ROBO2: variants seen among roughly 807,000 people sequenced by gnomAD.
ROBO2 encodes the protein roundabout guidance receptor 2.
ROBO2 carries 53 observed loss-of-function variants against 160.8 expected under a neutral mutation model. That is an observed-to-expected ratio of 0.33 (90% CI 0.26 to 0.41). The LOEUF is 0.41. Among genes scored for constraint, ROBO2 ranks in the 10% least tolerant of loss-of-function variants. The probability of loss-of-function intolerance (pLI) is 1.00; values close to 1 mark genes in which losing one functional copy is unlikely to be tolerated. For synonymous variants in ROBO2, 664 were observed against 611.7 expected (o/e 1.09, Z -1.26); for missense variants, 1,577 against 1,722.4 (o/e 0.92, Z 1.49).
intron 2 of ROBO2, among the ~76,000 whole-genome samples, chr3:76,912,121 C>T (rs756631377): frequency 2.6e-5 from 4 of 152,120 alleles, no homozygotes; most frequent in Non-Finnish European, 5.9e-5. Flanking sequence ...TTTTCTTATG[C>T]TGATTCAGTC....
At chr3:77,014,304 C>G (rs1228905256) in intron 2 of ROBO2, among the ~76,000 whole-genome samples, 2 of 152,284 alleles carry the variant, frequency 1.3e-5, no homozygotes, top group South Asian at 2.1e-4. Flanking sequence ...TGACATTCCT[C>G]TCTCACAAGC....
intron 2 of ROBO2, among the ~76,000 whole-genome samples, chr3:76,949,042 C>A (rs570957191): frequency 6.7e-6 from 1 of 149,904 alleles, no homozygotes; most frequent in South Asian, 2.1e-4. Flanking sequence ...TGAGCCACCA[C>A]GCCTGGCCAT....
intron 2 of ROBO2, among the ~76,000 whole-genome samples, chr3:77,195,036 C>G (rs1270808830): frequency 6.6e-6 from 1 of 152,018 alleles, no homozygotes; most frequent in African/African-American, 2.4e-5. Flanking sequence ...TCAATATATT[C>G]CCTTTTATAA....
chr3:75,962,408 T>C (rs7631095), intron 2 of ROBO2, among the ~76,000 whole-genome samples: 70 of 151,832 alleles, frequency 4.6e-4, no homozygotes, highest in African/African-American at 1.6e-3. Flanking sequence ...TGACCAATAA[T>C]GTGTTCTAGG....
chr3:76,048,862 C>T (rs73841095), intron 2 of ROBO2, among the ~76,000 whole-genome samples: 3,126 of 152,060 alleles, frequency 0.021, 45 homozygotes, highest in East Asian at 0.08. Flanking sequence ...AATGAGGGAA[C>T]GGAATTGTAA....
chr3:77,322,720 T>C (rs1182943149), intron 2 of ROBO2, among the ~76,000 whole-genome samples: 1 of 144,100 alleles, frequency 6.9e-6, no homozygotes, highest in African/African-American at 2.6e-5. Context: ...AACAAGAACA[T>C]AGGTCTAATA....
chr3:76,676,755 A>G (rs1239883627), intron 2 of ROBO2, among the ~76,000 whole-genome samples: 2 of 152,132 alleles, frequency 1.3e-5, no homozygotes, highest in South Asian at 2.1e-4. Context: ...GAAGACTGCG[A>G]ACATGTTGCA....
intron 1 of ROBO2, among the ~76,000 whole-genome samples, chr3:75,907,696 G>A (rs1202567431): frequency 6.6e-6 from 1 of 152,150 alleles, no homozygotes; most frequent in Non-Finnish European, 1.5e-5. Flanking sequence ...GAAAAGTGAT[G>A]AGTTAACACT....
chr3:77,560,687 A>T (rs1430295530), intron 9 of ROBO2, among the ~76,000 whole-genome samples: 1 of 152,148 alleles, frequency 6.6e-6, no homozygotes, highest in Non-Finnish European at 1.5e-5. Flanking sequence ...TCTTTTGAGA[A>T]GTAGAATATT....
At chr3:76,450,314 A>G (rs1577279732) in intron 2 of ROBO2, among the ~76,000 whole-genome samples, 1 of 152,216 alleles carries the variant, frequency 6.6e-6, no homozygotes, top group East Asian at 1.9e-4. Context: ...TCTCACCTTT[A>G]ATAAAGTTTT....
chr3:76,196,929 C>T (rs966518625), intron 2 of ROBO2, among the ~76,000 whole-genome samples: 9 of 152,140 alleles, frequency 5.9e-5, no homozygotes, highest in African/African-American at 2.2e-4. Context: ...CCATGATATG[C>T]ATCTAAATTT....
chr3:76,231,179 T>C (rs1559666473), intron 2 of ROBO2, among the ~76,000 whole-genome samples: 2 of 152,180 alleles, frequency 1.3e-5, no homozygotes, highest in Non-Finnish European at 2.9e-5. Context: ...ACCCATGCCC[T>C]TCTGCTGAGA....
At chr3:77,249,128 G>T (rs2008170) in intron 2 of ROBO2, among the ~76,000 whole-genome samples, 1 of 151,774 alleles carries the variant, frequency 6.6e-6, no homozygotes, top group East Asian at 2.0e-4. Context: ...TGGGATTACA[G>T]GCGTGAGCCA....
chr3:76,303,417 T>G (rs1031515777), intron 2 of ROBO2, among the ~76,000 whole-genome samples: 7 of 152,082 alleles, frequency 4.6e-5, no homozygotes, highest in Non-Finnish European at 7.4e-5. Flanking sequence ...CGCATAAACT[T>G]TTCCTTCCAA....
chr3:76,520,276 C>T (rs1317433467), intron 2 of ROBO2, among the ~76,000 whole-genome samples: 2 of 152,064 alleles, frequency 1.3e-5, no homozygotes, highest in African/African-American at 4.8e-5. Context: ...CATGGTGAAA[C>T]CCCGTCTCTA....
chr3:75,933,450 A>G (rs1411990841), intron 1 of ROBO2, among the ~76,000 whole-genome samples: 1 of 152,156 alleles, frequency 6.6e-6, no homozygotes, highest in South Asian at 2.1e-4. Flanking sequence ...TTCACTGGAT[A>G]AGCATTTCAG....
chr3:76,060,882 T>C (rs2107884629), intron 2 of ROBO2, among the ~76,000 whole-genome samples: 1 of 152,286 alleles, frequency 6.6e-6, no homozygotes, highest in African/African-American at 2.4e-5. Context: ...CTCATGATCA[T>C]CCCTGTTCCC....
chr3:76,036,092 T>C (rs1220563541), intron 2 of ROBO2, among the ~76,000 whole-genome samples: 1 of 152,014 alleles, frequency 6.6e-6, no homozygotes, highest in East Asian at 1.9e-4. Flanking sequence ...CTTCTACACA[T>C]TTCTTTGGTG....
intron 2 of ROBO2, among the ~76,000 whole-genome samples, chr3:75,941,749 A>G (rs1948065090): frequency 6.6e-6 from 1 of 152,208 alleles, no homozygotes; most frequent in Non-Finnish European, 1.5e-5. Flanking sequence ...GGTCTTCACC[A>G]TGAAATAATA....
Sources: allele counts gnomAD v4.1 joint callset (sites outside exome capture counted in the v4.1 genomes callset), GRCh38; gene constraint gnomAD v4.1.1; transcripts MANE v1.5; gene names NCBI Gene and HGNC (gene_info 2026-07-23, HGNC 2026-07-21).